Variants in NOMO1 observed in about 807,000 individuals in gnomAD.
The protein encoded by NOMO1 is nodal modulator 3.
In NOMO1, 40 loss-of-function variants were observed where a neutral mutation model predicts 133.8. The observed-to-expected ratio is 0.30, with a 90% CI of 0.23 to 0.39. NOMO1 has a LOEUF of 0.39. NOMO1 is among the 10% of genes least tolerant of loss of function. NOMO1 has a pLI of 1.00. For synonymous variants in NOMO1, 236 were observed against 570.5 expected, an observed-to-expected ratio of 0.41 and a Z score of 8.36; for missense variants, 462 against 1,419.9, an observed-to-expected ratio of 0.33 and a Z score of 10.84.
rs376840979 is a variant in NOMO1, at chr16:14,875,276, C to G, written c.2273+22C>G. Reference sequence around the variant, plus strand: ...CGCGGTAAGCTCTCTTGTGCGTTTCCCTACAGTGTCCTCTGTTTTGTGGGG... The same window carrying G: ...CGCGGTAAGCTCTCTTGTGCGTTTCGCTACAGTGTCCTCTGTTTTGTGGGG... On this transcript the variant is annotated intron_variant, in intron 19 of 30. Coordinates refer to ENST00000287667, the MANE Select transcript of NOMO1 (RefSeq NM_014287.4). 60 of 1,610,298 alleles carry G rather than the reference C, an allele frequency of 3.7e-5. No homozygotes were observed. In the African/African-American group the frequency reaches 6.2e-4, roughly 17 times the overall value.
chr16:14,859,315 A>G (rs1044850558), intron 11 of NOMO1, among the ~76,000 whole-genome samples: 2 of 152,016 alleles, frequency 1.3e-5, no homozygotes, highest in Non-Finnish European at 2.9e-5. Context: ...GTCGAGGTCA[A>G]GGAGTCCAGT....
At chr16:14,840,506 G>A (rs1357959738) in intron 2 of NOMO1, among the ~76,000 whole-genome samples, 3 of 118,770 alleles carry the variant, frequency 2.5e-5, no homozygotes, top group Non-Finnish European at 5.2e-5. Context: ...AGAATCGCTT[G>A]AACCCAGGAG....
intron 11 of NOMO1, among the ~76,000 whole-genome samples, chr16:14,858,792 A>G (rs1963880850): frequency 6.6e-6 from 1 of 152,084 alleles, no homozygotes; most frequent in South Asian, 2.1e-4. Context: ...AAACAATGGC[A>G]TGGAGTAGAG....
intron 4 of NOMO1, among the ~76,000 whole-genome samples, chr16:14,846,257 C>T (rs1963679438): frequency 6.7e-6 from 1 of 150,198 alleles, no homozygotes; most frequent in East Asian, 2.0e-4. Flanking sequence ...AAACTCCTGA[C>T]CTCAAGTGGT....
intron 6 of NOMO1, among the ~76,000 whole-genome samples, chr16:14,851,040 C>T (rs1963750641): frequency 7.1e-6 from 1 of 141,842 alleles, no homozygotes; most frequent in East Asian, 2.1e-4. Context: ...GCCAAGATTG[C>T]ACCACTGCAC....
chr16:14,838,143 A>G, intron 1 of NOMO1, among the ~76,000 whole-genome samples: 1 of 151,978 alleles, frequency 6.6e-6, no homozygotes, highest in Non-Finnish European at 1.5e-5. Context: ...ACCTAGAGAC[A>G]GCCACTAAAA....
chr16:14,864,322 C>T (rs1166852653), intron 12 of NOMO1, among the ~76,000 whole-genome samples: 2 of 151,902 alleles, frequency 1.3e-5, no homozygotes, highest in African/African-American at 2.4e-5. Context: ...GTCCGCATTG[C>T]GGGCCTGTGG....
Position 14,886,882 on chromosome 16 carries a change from T to G in NOMO1, c.3324+20T>G, listed in dbSNP as rs376681211. 1.2e-6 allele frequency: 2 copies of G among 1,611,386 alleles called. No individual in the cohort carries two copies. The highest frequency in any genetic ancestry group is 1.7e-6 in the Non-Finnish European group (2 of 1,179,492). Reference sequence around the variant, plus strand: ...GGCGAGGTAATGCCTGTGGCCGGATTCTACCTTCTGCCTTTGTTTTAATAA... The same window carrying G: ...GGCGAGGTAATGCCTGTGGCCGGATGCTACCTTCTGCCTTTGTTTTAATAA... On this transcript the variant is annotated intron_variant, in intron 28 of 30. Transcript: ENST00000287667.
At chr16:14,889,425 G>A (rs1444065384) in intron 29 of NOMO1, among the ~76,000 whole-genome samples, 34 of 152,160 alleles carry the variant, frequency 2.2e-4, no homozygotes, top group South Asian at 6.2e-4. Flanking sequence ...CCGGCTACTC[G>A]GGAGGCTGAG....
In NOMO1 at chr16:14,874,967, G is replaced by A. The variant is rs1012132551; in HGVS notation, c.2055-69G>A. On this transcript the variant is annotated intron_variant, in intron 18 of 30. Coordinates refer to ENST00000287667, the MANE Select transcript of NOMO1 (RefSeq NM_014287.4). The stretch of plus-strand genomic sequence containing the variant: ...GTTTGTAACTCGCAAGTCCATACTC[G>A]TAGAAAGGTCAAATTCCCACTGACC... 2.0e-4 allele frequency: 319 copies of A among 1,606,474 alleles called. 2 individuals are homozygous for A. The highest frequency in any genetic ancestry group is 2.5e-4 in the Non-Finnish European group (295 of 1,174,692).
chr16:14,877,599 AC>A (rs1964180672), intron 22 of NOMO1, among the ~76,000 whole-genome samples: 2 of 152,260 alleles, frequency 1.3e-5, no homozygotes, highest in South Asian at 4.1e-4. Flanking sequence ...AAAAAAATGA[AC>A]AAAGATTATG....
intron 29 of NOMO1, among the ~76,000 whole-genome samples, chr16:14,893,608 T>C (rs1371729931): frequency 3.3e-5 from 5 of 151,924 alleles, no homozygotes; most frequent in South Asian, 2.1e-4. Context: ...TATTCTTTCA[T>C]TTATGAAAGG....
chr16:14,884,298 G>C lies in NOMO1; in HGVS notation c.3112-74G>C, dbSNP rs376771176. On this transcript the variant is annotated intron_variant, in intron 26 of 30. Transcript: ENST00000287667. Reference sequence around the variant, plus strand: ...AAAGTTTGCCATGAAGCAGCTCTCAGGCCATCGGACAGCTGGCATAGAAGT... The same window carrying C: ...AAAGTTTGCCATGAAGCAGCTCTCACGCCATCGGACAGCTGGCATAGAAGT... The C allele has an allele frequency of 7.6e-6, 11 of 1,455,928 alleles. No individual in the cohort carries two copies. The South Asian group carries it at 1.4e-4, about 18-fold the overall frequency. The allele number at this position is 1,455,928 out of a possible 1,614,324, so 90.2% of individuals were successfully genotyped here. A position where few individuals can be genotyped will look rare whatever the true frequency, so the allele number is the denominator to read the frequency against.
At position 14,892,458 on chromosome 16, in the gene NOMO1, G is replaced by T. The variant is rs551782949; in HGVS notation, c.3445-2540G>T. ...GGCAGGAATGTGGAGACACTGCTTG[G>T]TGGTGGCCAAGCAGCCCAGCCTCGT... On this transcript the variant is annotated intron_variant, in intron 29 of 30. Coordinates refer to ENST00000287667, the MANE Select transcript of NOMO1 (RefSeq NM_014287.4). Among the ~76,000 whole-genome samples the T allele has an allele frequency of 9.2e-5, 14 of 151,762 alleles. No homozygotes were observed. The South Asian group carries it at 2.3e-3, about 25-fold the overall frequency.
intron 9 of NOMO1, among the ~76,000 whole-genome samples, chr16:14,856,873 A>T (rs558923360): frequency 3.3e-4 from 50 of 151,824 alleles, no homozygotes; most frequent in Admixed American, 1.3e-3. Flanking sequence ...CTGGAGGAAG[A>T]CGTGGTTCAC....
chr16:14,836,332 A>G (rs950359479), intron 1 of NOMO1, among the ~76,000 whole-genome samples: 10 of 152,080 alleles, frequency 6.6e-5, no homozygotes, highest in Admixed American at 1.3e-4. Flanking sequence ...AGAGAACTTT[A>G]CATACAGGCT....
intron 27 of NOMO1, among the ~76,000 whole-genome samples, chr16:14,884,995 CA>C (rs1295742494): frequency 6.6e-6 from 1 of 151,900 alleles, no homozygotes; most frequent in African/African-American, 2.4e-5. Flanking sequence ...AGGAGGCTTC[CA>C]ATCATGGCAG....
At chr16:14,873,127 G>A (rs1161181896) in intron 18 of NOMO1, among the ~76,000 whole-genome samples, 2 of 85,054 alleles carry the variant, frequency 2.4e-5, no homozygotes, top group African/African-American at 5.8e-5. Flanking sequence ...GGGAACAGTG[G>A]TCAGATACTC....
chr16:14,882,660 C>A lies in NOMO1; in HGVS notation c.3094C>A (p.His1032Asn), dbSNP rs574225922. The change falls in exon 26 of 31, where the codon CAC becomes AAC. Residue 1032 changes from histidine (H) to asparagine (N), a missense_variant. Physicochemically the swap from His to Asn is moderately conservative, Grantham distance 68. Coordinates refer to ENST00000287667, the MANE Select transcript of NOMO1 (RefSeq NM_014287.4). ...CGACCACATTGAGCGGGCGCTCCCC[C>A]ACCATAGGGTGATTGAGGTAAGGCA... is the stretch of plus-strand genomic sequence containing the variant. Reference protein sequence around the residue: ...GNDHIERALPHHRVIEVGNND... With the variant: ...GNDHIERALPNHRVIEVGNND... The A allele has an allele frequency of 9.4e-5, 151 of 1,611,656 alleles. 1 individual carries two copies. In the Middle Eastern group the frequency reaches 1.1e-3, roughly 12 times the overall value.
Sources: gnomAD v4.1 joint callset for allele counts (sites outside exome capture counted in the v4.1 genomes callset) on GRCh38, gnomAD v4.1.1 for gene constraint, MANE v1.5 for transcripts, NCBI Gene and HGNC (gene_info 2026-07-23, HGNC 2026-07-21) for gene names.